The following COL4A6 variants were observed in gnomAD, a reference collection of about 807,000 sequenced individuals.
COL4A6 encodes the protein collagen alpha-6(IV) chain.
Under a neutral mutation model 126.7 loss-of-function variants are expected in COL4A6, and 59 were observed. The ratio of observed to expected loss-of-function variants is 0.47; its 90% CI spans 0.38 to 0.58. The LOEUF is 0.58. Ranked by LOEUF, COL4A6 falls within the 20% of genes least tolerant of loss-of-function variation. The pLI is 0.00. For synonymous variants in COL4A6, 547 were observed against 496.6 expected (o/e 1.10, Z -1.35); for missense variants, 1,285 against 1,337.3 (o/e 0.96, Z 0.61).
chrX:108,332,367 A>G (rs755872235), intron 2 of COL4A6, among the ~76,000 whole-genome samples: 1 of 111,964 alleles, frequency 8.9e-6, no homozygotes, highest in Admixed American at 9.5e-5. Context: ...GATACCCAGT[A>G]GTGAGATTGC....
At chrX:108,397,368 C>T (rs1043015625) in intron 2 of COL4A6, among the ~76,000 whole-genome samples, 3 of 111,323 alleles carry the variant, frequency 2.7e-5, no homozygotes, top group Non-Finnish European at 5.7e-5. Context: ...ACTTAACAAT[C>T]AACAATTGTT....
chrX:108,429,923 T>G (rs2064150026), intron 2 of COL4A6, among the ~76,000 whole-genome samples: 2 of 111,662 alleles, frequency 1.8e-5, no homozygotes, highest in Non-Finnish European at 3.8e-5. Flanking sequence ...TGCGAGCCAT[T>G]AGGAGATGTT....
intron 2 of COL4A6, among the ~76,000 whole-genome samples, chrX:108,410,022 G>T (rs774949442): frequency 9.0e-6 from 1 of 111,626 alleles, no homozygotes; most frequent in Non-Finnish European, 1.9e-5. Context: ...TAAAATTAAA[G>T]AATTTTTCAG....
chrX:108,289,242 AGTGT>A (rs34639525), intron 3 of COL4A6, among the ~76,000 whole-genome samples: 2,909 of 91,249 alleles, frequency 0.032, 87 homozygotes, highest in African/African-American at 0.088. Context: ...CAATGAGTAT[AGTGT>A]GTGTGTGTGT....
chrX:108,190,211 C>T (rs1375659206), intron 20 of COL4A6, among the ~76,000 whole-genome samples, 181 bp downstream of exon 20: 1 of 112,051 alleles, frequency 8.9e-6, no homozygotes, highest in African/African-American at 3.2e-5. Flanking sequence ...GTGTGACCTC[C>T]ATTGCCAGCC....
At chrX:108,278,193 C>T (rs967123154) in intron 3 of COL4A6, among the ~76,000 whole-genome samples, 20 of 111,738 alleles carry the variant, frequency 1.8e-4, no homozygotes, top group South Asian at 1.1e-3. Flanking sequence ...CAAACTACTC[C>T]GAGCTACAGG....
At chrX:108,201,263 T>A (rs1383362205) in intron 13 of COL4A6, among the ~76,000 whole-genome samples, 9 of 111,865 alleles carry the variant, frequency 8.0e-5, no homozygotes, top group Middle Eastern at 9.1e-3. Flanking sequence ...GGCCTAGTCA[T>A]CTTTGATTCA....
intron 25 of COL4A6, 33 bp downstream of exon 25, chrX:108,180,482 G>GAGAAGC: frequency 9.1e-7 from 1 of 1,097,086 alleles, no homozygotes; most frequent in Non-Finnish European, 1.3e-6. Flanking sequence ...TACACACAAA[G>GAGAAGC]AGAAGCAGGT....
intron 2 of COL4A6, among the ~76,000 whole-genome samples, chrX:108,409,171 T>C (rs2041276608): frequency 9.0e-6 from 1 of 111,193 alleles, no homozygotes; most frequent in Admixed American, 9.6e-5. Flanking sequence ...CTGATAACTT[T>C]GTGGTTGTAA....
At chrX:108,337,995 C>G (rs1382191450) in intron 2 of COL4A6, among the ~76,000 whole-genome samples, 2 of 110,630 alleles carry the variant, frequency 1.8e-5, no homozygotes, top group Non-Finnish European at 3.8e-5. Context: ...TAATTATGAC[C>G]TAAGAAGTCC....
chrX:108,165,160 C>T (rs1176226280), intron 38 of COL4A6, 122 bp from the exon 39 acceptor site: 13 of 838,686 alleles, frequency 1.6e-5, no homozygotes, highest in South Asian at 7.1e-5. Context: ...CCCTCACCAT[C>T]GGTGGGGTCC....
chrX:108,175,248 G>C, intron 29 of COL4A6, 33 bp from the exon 30 acceptor site: 1 of 1,140,746 alleles, frequency 8.8e-7, no homozygotes, highest in Non-Finnish European at 1.2e-6. Flanking sequence ...GAGAAAGAGA[G>C]CTTAGACGCA....
intron 2 of COL4A6, among the ~76,000 whole-genome samples, chrX:108,343,155 A>AGTGTG (rs1368839081): frequency 1.3e-5 from 1 of 74,468 alleles, no homozygotes; most frequent in African/African-American, 5.1e-5. Context: ...ATATATATAT[A>AGTGTG]TATATATATA....
intron 2 of COL4A6, among the ~76,000 whole-genome samples, chrX:108,414,135 A>T (rs896362460): frequency 3.6e-5 from 4 of 112,403 alleles, no homozygotes; most frequent in Non-Finnish European, 3.8e-5. Flanking sequence ...CTGCCTGTTA[A>T]CTAAAAGACT....
intron 2 of COL4A6, among the ~76,000 whole-genome samples, chrX:108,349,814 T>C (rs907787903): frequency 1.8e-5 from 2 of 111,917 alleles, no homozygotes; most frequent in African/African-American, 6.5e-5. Flanking sequence ...GCAACATAAA[T>C]ACAGATAATA....
chrX:108,240,610 G>A (rs189490271), intron 3 of COL4A6, among the ~76,000 whole-genome samples: 2 of 111,802 alleles, frequency 1.8e-5, no homozygotes, highest in African/African-American at 6.5e-5. Context: ...AGCATCTAAA[G>A]ACAAGCCTTT....
intron 3 of COL4A6, among the ~76,000 whole-genome samples, chrX:108,240,049 C>T (rs770016606): frequency 1.7e-4 from 19 of 110,929 alleles, no homozygotes; most frequent in African/African-American, 5.3e-4. Flanking sequence ...TTGAGACCAG[C>T]CTGGCCAACA....
intron 2 of COL4A6, among the ~76,000 whole-genome samples, chrX:108,356,016 C>T (rs1425391912): frequency 9.1e-6 from 1 of 110,097 alleles, no homozygotes; most frequent in Non-Finnish European, 1.9e-5. Flanking sequence ...GAAACCTAGG[C>T]GATCTTGCTT....
At chrX:108,160,414 T>C in intron 43 of COL4A6, 49 bp downstream of exon 43, 1 of 1,124,579 alleles carries the variant, frequency 8.9e-7, no homozygotes, top group South Asian at 2.1e-5. Flanking sequence ...TGGCTGTTGG[T>C]GTTTGTGGGG....
Sources: gnomAD v4.1 joint callset for allele counts (sites outside exome capture counted in the v4.1 genomes callset) on GRCh38, gnomAD v4.1.1 for gene constraint, MANE v1.5 for transcripts, NCBI Gene and HGNC (gene_info 2026-07-23, HGNC 2026-07-21) for gene names.